COL25A1: variants seen among roughly 807,000 people sequenced by gnomAD.
The protein encoded by COL25A1 is collagen alpha-1(XXV) chain.
In COL25A1, 103 loss-of-function variants were observed where a neutral mutation model predicts 128.4. The observed-to-expected ratio is 0.80, with a 90% CI of 0.68 to 0.94. The LOEUF (loss-of-function observed/expected upper bound fraction) is 0.94, where lower values mean the gene tolerates loss of function less well. Among genes scored for constraint, COL25A1 ranks in the 40% least tolerant of loss-of-function variants. The pLI, the probability that COL25A1 is intolerant of heterozygous loss-of-function variation, is 0.00. For missense variants in COL25A1, 745 were observed against 840.0 expected (o/e 0.89, Z 1.40); for synonymous variants, 279 against 277.2 (o/e 1.01, Z -0.06).
intron 6 of COL25A1, among the ~76,000 whole-genome samples, chr4:108,984,675 C>A (rs965025304): frequency 1.3e-5 from 2 of 152,226 alleles, no homozygotes; most frequent in South Asian, 4.1e-4. Context: ...CACGCCCACC[C>A]GGAACTCCCG....
rs1294708955 is a variant in COL25A1 at position 108,813,874 on chromosome 4, T to C, written c.*53A>G. ...CTGCAATTCAGTTTTCAACTATAAA[T>C]ATTAAAAATGGACCCTTATATACAC... On this transcript the variant is annotated 3_prime_UTR_variant, in exon 38 of 38. Transcript: ENST00000399132. The C allele has an allele frequency of 1.4e-6, 2 of 1,402,938 alleles. No homozygotes were observed. The highest frequency in any genetic ancestry group is 2.0e-6 in the Non-Finnish European group (2 of 1,007,704). The allele number at this position is 1,402,938 out of a possible 1,614,324, so 86.9% of individuals were successfully genotyped here.
intron 28 of COL25A1, among the ~76,000 whole-genome samples, chr4:108,845,693 T>C (rs1189722424): frequency 6.6e-6 from 1 of 152,188 alleles, no homozygotes; most frequent in Non-Finnish European, 1.5e-5. Context: ...CTCCTCCAAA[T>C]TCTCAGTTAG....
In COL25A1 at chr4:109,071,150, A is replaced by C. The variant is rs1335746758; in HGVS notation, c.368-20971T>G. ...CCCTCAGAAATAATACCACACATCT[A>C]CAACCATCTGATCTTTGACAAACCT... On this transcript the variant is annotated intron_variant, in intron 3 of 37. Coordinates refer to ENST00000399132, the MANE Select transcript of COL25A1 (RefSeq NM_198721.4). Among the ~76,000 whole-genome samples the C allele has an allele frequency of 6.6e-5, 10 of 152,262 alleles. No individual in the cohort carries two copies. In the East Asian group the frequency reaches 1.5e-3, roughly 24 times the overall value.
chr4:109,150,014 A>G lies in COL25A1; in HGVS notation c.368-99835T>C, dbSNP rs540719904. ...TGTATGTGTGGGTGTGTGTGTGTGT[A>G]TGTATCTGTGTGTATGTGTATGTAT... On this transcript the variant is annotated intron_variant, in intron 3 of 37. Transcript: ENST00000399132. 1.8e-3 allele frequency among the ~76,000 whole-genome samples: 262 copies of G among 147,104 alleles called. 3 individuals are homozygous for G. The highest frequency in any genetic ancestry group is 5.9e-3 in the African/African-American group (236 of 40,314).
At chr4:108,839,588 G>T (rs1734188185) in intron 31 of COL25A1, among the ~76,000 whole-genome samples, 1 of 152,164 alleles carries the variant, frequency 6.6e-6, no homozygotes, top group Non-Finnish European at 1.5e-5. Flanking sequence ...TCCAGTGACA[G>T]AAAGACCAAA....
At chr4:109,168,941 C>T (rs553202417) in intron 3 of COL25A1, among the ~76,000 whole-genome samples, 18 of 152,224 alleles carry the variant, frequency 1.2e-4, no homozygotes, top group African/African-American at 3.1e-4. Context: ...ATCTCTCACC[C>T]GCACTACTGC....
At chr4:109,012,459 C>T (rs929722599) in intron 5 of COL25A1, among the ~76,000 whole-genome samples, 4 of 152,278 alleles carry the variant, frequency 2.6e-5, no homozygotes, top group Non-Finnish European at 4.4e-5. Context: ...CCTCTGCTTG[C>T]GGGGAGGTGT....
chr4:108,839,277 CTG>C, intron 31 of COL25A1, among the ~76,000 whole-genome samples: 1 of 152,158 alleles, frequency 6.6e-6, no homozygotes, highest in Admixed American at 6.5e-5. Flanking sequence ...CTGGGAAACA[CTG>C]AGCTAGATTC....
chr4:108,904,289 G>C (rs1331647700), intron 13 of COL25A1, among the ~76,000 whole-genome samples: 1 of 152,058 alleles, frequency 6.6e-6, no homozygotes, highest in East Asian at 1.9e-4. Flanking sequence ...TTATTTTTGA[G>C]TGGGGAAAAT....
At chr4:109,163,477 G>C (rs1444705425) in intron 3 of COL25A1, among the ~76,000 whole-genome samples, 1 of 152,156 alleles carries the variant, frequency 6.6e-6, no homozygotes, top group Non-Finnish European at 1.5e-5. Context: ...ACAAAAGAGA[G>C]GTAGGTTAGC....
chr4:109,081,157 G>A lies in COL25A1; in HGVS notation c.368-30978C>T, dbSNP rs138244948. On this transcript the variant is annotated intron_variant, in intron 3 of 37. Coordinates refer to ENST00000399132, the MANE Select transcript of COL25A1 (RefSeq NM_198721.4). The stretch of plus-strand genomic sequence containing the variant: ...GCCTCACACGTATGAATTGATTAAT[G>A]TATGTTTTATGCTTGACCGGAACAA... Among the ~76,000 whole-genome samples, 147 of 152,208 alleles carry A rather than the reference G, an allele frequency of 9.7e-4. 1 individual carries two copies. The highest frequency in any genetic ancestry group is 5.8e-3 in the South Asian group (28 of 4,812).
intron 3 of COL25A1, among the ~76,000 whole-genome samples, chr4:109,154,254 T>G (rs899097682): frequency 6.6e-6 from 1 of 152,146 alleles, no homozygotes; most frequent in Non-Finnish European, 1.5e-5. Flanking sequence ...TGAGTAGCAA[T>G]TAAAGGCTAC....
At chr4:109,160,467 C>A (rs1481677053) in intron 3 of COL25A1, among the ~76,000 whole-genome samples, 1 of 152,076 alleles carries the variant, frequency 6.6e-6, no homozygotes, top group East Asian at 1.9e-4. Context: ...AACATTATTG[C>A]AAGTTTTTGT....
chr4:109,026,112 A>ACG (rs1283162708), intron 5 of COL25A1, among the ~76,000 whole-genome samples: 8 of 151,516 alleles, frequency 5.3e-5, no homozygotes, highest in African/African-American at 1.5e-4. Flanking sequence ...ACACACACAC[A>ACG]CACACACACA....
At chr4:109,158,645 G>A (rs901442194) in intron 3 of COL25A1, among the ~76,000 whole-genome samples, 5 of 152,198 alleles carry the variant, frequency 3.3e-5, no homozygotes, top group African/African-American at 9.7e-5. Flanking sequence ...ACAATTACTG[G>A]AATTAAACGT....
intron 3 of COL25A1, among the ~76,000 whole-genome samples, chr4:109,216,879 T>C (rs1030710718): frequency 6.6e-6 from 1 of 152,076 alleles, no homozygotes. Context: ...CAGTGGAAGA[T>C]TGTAGAAAGA....
At chr4:109,293,902 C>T (rs1292570923) in intron 3 of COL25A1, among the ~76,000 whole-genome samples, 1 of 152,048 alleles carries the variant, frequency 6.6e-6, no homozygotes, top group Non-Finnish European at 1.5e-5. Flanking sequence ...AGTACAAAAT[C>T]CTCAACAGGT....
intron 3 of COL25A1, among the ~76,000 whole-genome samples, chr4:109,100,638 A>G (rs1394698272): frequency 6.6e-6 from 1 of 152,194 alleles, no homozygotes; most frequent in Non-Finnish European, 1.5e-5. Context: ...TAGCATTTCT[A>G]TACCTAAAGA....
chr4:109,100,976 A>G, intron 3 of COL25A1, among the ~76,000 whole-genome samples: 1 of 152,222 alleles, frequency 6.6e-6, no homozygotes, highest in East Asian at 1.9e-4. Flanking sequence ...ATAAAAGTTT[A>G]CTAGCTAGCT....
Sources: allele counts gnomAD v4.1 joint callset (sites outside exome capture counted in the v4.1 genomes callset), GRCh38; gene constraint gnomAD v4.1.1; transcripts MANE v1.5; gene names NCBI Gene and HGNC (gene_info 2026-07-23, HGNC 2026-07-21).